The following CMTR1 variants were observed in gnomAD, a reference collection of about 807,000 sequenced individuals.
CMTR1 encodes the protein cap-specific mRNA (nucleoside-2'-O-)-methyltransferase 1.
CMTR1 carries 39 observed loss-of-function variants against 107.0 expected under a neutral mutation model. The ratio of observed to expected loss-of-function variants is 0.36; its 90% CI spans 0.28 to 0.48. The LOEUF is 0.48. CMTR1 is among the 20% of genes least tolerant of loss of function. The pLI is 0.99. For synonymous variants in CMTR1, 366 were observed against 379.5 expected (o/e 0.96, Z 0.41); for missense variants, 672 against 1,064.9 (o/e 0.63, Z 5.14).
At chr6:37,455,975 G>A (rs1220766632) in intron 8 of CMTR1, among the ~76,000 whole-genome samples, 1 of 152,220 alleles carries the variant, frequency 6.6e-6, no homozygotes, top group Non-Finnish European at 1.5e-5. Flanking sequence ...GCAGAGCTAA[G>A]AACGCCAGCT....
chr6:37,466,874 T>G (rs1761522717), intron 13 of CMTR1, among the ~76,000 whole-genome samples: 2 of 152,096 alleles, frequency 1.3e-5, no homozygotes, highest in African/African-American at 4.8e-5. Flanking sequence ...AAATTTTCCT[T>G]TAAGGATCCT....
Position 37,472,267 on chromosome 6 carries a change from T to TA in CMTR1, c.1621-151dup. The TA allele has an allele frequency of 1.4e-6, 1 of 697,602 alleles. No homozygotes were observed. Among genetic ancestry groups the TA allele is most frequent in the South Asian group, 1.7e-5 (1 of 59,032 alleles). The allele number at this position is 697,602 out of a possible 1,614,324, so 43.2% of individuals were successfully genotyped here. A position where few individuals can be genotyped will look rare whatever the true frequency, so the allele number is the denominator to read the frequency against. ...ATCTGAAAGGGAGCAGTGAGTGAAT[T>TA]ATCCACCTCCATCCCTGTCAGCCTA... On this transcript the variant is annotated intron_variant, in intron 15 of 23. Transcript: ENST00000373451. The surrounding 1 kb of genome is among the most constrained non-coding windows in gnomAD (Gnocchi z 4.1).
At chr6:37,473,741 T>C in intron 17 of CMTR1, 140 bp downstream of exon 17, 1 of 1,025,392 alleles carries the variant, frequency 9.8e-7, no homozygotes. Flanking sequence ...AAGGTATTTC[T>C]TGAAACTTCG....
At chr6:37,466,459 T>TCTTTAGATCTG (rs890303953) in intron 13 of CMTR1, among the ~76,000 whole-genome samples, 1 of 152,144 alleles carries the variant, frequency 6.6e-6, no homozygotes, top group African/African-American at 2.4e-5. Context: ...ATCTGTTACA[T>TCTTTAGATCTG]TTAGATCTTT....
chr6:37,434,416 G>A (rs1205309311), intron 1 of CMTR1, among the ~76,000 whole-genome samples: 3 of 152,116 alleles, frequency 2.0e-5, no homozygotes, highest in Non-Finnish European at 4.4e-5. Flanking sequence ...CCTGTATTGA[G>A]TCCTCTTTTC....
At position 37,461,574 on chromosome 6, in the gene CMTR1, A is replaced by G; in HGVS notation, c.1121A>G (p.Asn374Ser). The change falls in exon 11 of 24, where the codon AAC becomes AGC. Residue 374 changes from asparagine to serine, a missense_variant. Asn to Ser is a conservative substitution (Grantham distance 46). Transcript: ENST00000373451. ...DGGFSVEGQENLQEILSKQLL... is the reference protein window; with the variant it reads ...DGGFSVEGQESLQEILSKQLL... The stretch of plus-strand genomic sequence containing the variant: ...GGTTTCTCGGTGGAGGGGCAGGAGA[A>G]CCTGCAGGAGATCCTCAGCAAGCAG... 1.3e-6 allele frequency: 2 copies of G among 1,595,730 alleles called. No homozygotes were observed. The highest frequency in any genetic ancestry group is 1.7e-6 in the Non-Finnish European group (2 of 1,170,344).
At chr6:37,478,661 CAT>C in intron 22 of CMTR1, 140 bp downstream of exon 22, 1 of 677,574 alleles carries the variant, frequency 1.5e-6, no homozygotes, top group Non-Finnish European at 2.6e-6. Flanking sequence ...TTCTCTGAGG[CAT>C]ATGTTAGGGG....
intron 18 of CMTR1, 43 bp downstream of exon 18, chr6:37,474,689 G>A (rs1761701792): frequency 6.8e-6 from 11 of 1,606,844 alleles, no homozygotes; most frequent in Non-Finnish European, 9.3e-6. Flanking sequence ...GCAGCTAGGG[G>A]ACTAGGGGGC....
upstream of CMTR1, among the ~76,000 whole-genome samples, chr6:37,428,593 G>A (rs545814562): frequency 7.9e-5 from 12 of 152,218 alleles, no homozygotes; most frequent in South Asian, 2.3e-3. Flanking sequence ...GAGTAGCTGG[G>A]ATTACAGATG....
At chr6:37,444,860 A>C (rs1771750686) in intron 3 of CMTR1, among the ~76,000 whole-genome samples, 1 of 152,122 alleles carries the variant, frequency 6.6e-6, no homozygotes, top group African/African-American at 2.4e-5. Flanking sequence ...CCCCGTCTCT[A>C]CTAAAAATAC....
intron 1 of CMTR1, among the ~76,000 whole-genome samples, chr6:37,435,085 T>G (rs1771497796): frequency 6.6e-6 from 1 of 152,236 alleles, no homozygotes; most frequent in East Asian, 1.9e-4. Flanking sequence ...ACTTTCCCAA[T>G]TCTTTCATGT....
chr6:37,452,029 G>A, intron 6 of CMTR1, 152 bp downstream of exon 6: 2 of 624,210 alleles, frequency 3.2e-6, no homozygotes, highest in Non-Finnish European at 2.8e-6. Flanking sequence ...TCTGCAAATT[G>A]TCTTTTTCCT....
the CMTR1 span, among the ~76,000 whole-genome samples, chr6:37,427,637 TATTATATATCTA>T: frequency 7.2e-5 from 11 of 152,348 alleles, no homozygotes; most frequent in South Asian, 8.3e-4. The surrounding 1 kb of genome is among the most constrained non-coding windows in gnomAD (Gnocchi z 4.4). Context: ...AAAAATAGCC[TATTATATATCTA>T]CCTAGCTATT....
intron 19 of CMTR1, 91 bp from the exon 20 acceptor site, chr6:37,476,035 C>A: frequency 8.1e-7 from 1 of 1,239,126 alleles, no homozygotes; most frequent in Non-Finnish European, 1.2e-6. Context: ...TCAGAAGGTT[C>A]TCCTACTGGA....
At chr6:37,425,444 G>A in the CMTR1 span, among the ~76,000 whole-genome samples, 1 of 151,378 alleles carries the variant, frequency 6.6e-6, no homozygotes, top group Admixed American at 6.6e-5. Context: ...TTACAGGCAC[G>A]TGCCACGCCT....
rs371751551 is a variant in CMTR1 at position 37,446,266 on chromosome 6, G to A, written c.286-25G>A. 14 of 1,612,640 alleles carry A rather than the reference G, an allele frequency of 8.7e-6. No homozygotes were observed. The African/African-American group carries it at 9.3e-5, about 11-fold the overall frequency. ...AAATGTCTGTTGAACCTAATTAATT[G>A]TGCTCCACTACTTCTCTTTTTCAGG... On this transcript the variant is annotated intron_variant, in intron 3 of 23. Coordinates refer to ENST00000373451, the MANE Select transcript of CMTR1 (RefSeq NM_015050.3).
chr6:37,455,380 A>G (rs953167593), intron 8 of CMTR1, among the ~76,000 whole-genome samples: 2 of 152,176 alleles, frequency 1.3e-5, no homozygotes, highest in African/African-American at 2.4e-5. Context: ...CGCCCAGCCA[A>G]CTCTGAAGTT....
At chr6:37,451,369 T>G (rs1219883511) in intron 5 of CMTR1, among the ~76,000 whole-genome samples, 1 of 152,128 alleles carries the variant, frequency 6.6e-6, no homozygotes, top group African/African-American at 2.4e-5. Context: ...AGCGTCCCTG[T>G]TTTCTGAAAT....
At chr6:37,479,376 C>G in intron 23 of CMTR1, 121 bp downstream of exon 23, 1 of 736,240 alleles carries the variant, frequency 1.4e-6, no homozygotes, top group South Asian at 1.6e-5. Flanking sequence ...CAGGGGTTCC[C>G]CTGAGCACAG....
Sources: gnomAD v4.1 joint callset for allele counts (sites outside exome capture counted in the v4.1 genomes callset) on GRCh38, gnomAD v4.1.1 for gene constraint, Gnocchi (gnomAD v3.1) non-coding constraint, MANE v1.5 for transcripts, NCBI Gene and HGNC (gene_info 2026-07-23, HGNC 2026-07-21) for gene names.